CDC42SE2: variants seen among roughly 807,000 people sequenced by gnomAD.
CDC42SE2 encodes CDC42 small effector 2.
A neutral mutation model predicts 11.5 loss-of-function variants in CDC42SE2; 3 were observed. The observed-to-expected ratio is 0.26, with a 90% confidence interval of 0.12 to 0.67. The LOEUF (loss-of-function observed/expected upper bound fraction) is 0.67. Ranked by LOEUF, CDC42SE2 falls within the 30% of genes least tolerant of loss-of-function variation. The pLI is 0.80. For synonymous variants in CDC42SE2, 33 were observed against 34.8 expected (o/e 0.95, Z 0.18); for missense variants, 82 against 106.8 (o/e 0.77, Z 1.02).
At chr5:131,345,346 A>G (rs1437209010) in intron 2 of CDC42SE2, among the ~76,000 whole-genome samples, 2 of 152,152 alleles carry the variant, frequency 1.3e-5, no homozygotes, top group African/African-American at 2.4e-5. Context: ...CACAAGAACT[A>G]CGTGACTCAT....
At chr5:131,346,085 C>G (rs1758836983) in intron 2 of CDC42SE2, among the ~76,000 whole-genome samples, 1 of 152,190 alleles carries the variant, frequency 6.6e-6, no homozygotes, top group African/African-American at 2.4e-5. Flanking sequence ...TAGGAAGAAA[C>G]TGCATCAACT....
chr5:131,223,398 A>G, the CDC42SE2 span, among the ~76,000 whole-genome samples: 3 of 152,180 alleles, frequency 2.0e-5, no homozygotes, highest in African/African-American at 7.2e-5. Flanking sequence ...ACAGCTGCCA[A>G]GTTTGAAGCT....
At chr5:131,366,582 T>C (rs1322040467) in intron 3 of CDC42SE2, among the ~76,000 whole-genome samples, 2 of 152,212 alleles carry the variant, frequency 1.3e-5, no homozygotes, top group African/African-American at 2.4e-5. Flanking sequence ...TTTTTTTTAC[T>C]ACATACCTCA....
intron 2 of CDC42SE2, among the ~76,000 whole-genome samples, chr5:131,329,278 C>G (rs1758361253): frequency 6.6e-6 from 1 of 152,146 alleles, no homozygotes; most frequent in African/African-American, 2.4e-5. Flanking sequence ...CTCCAGGTTA[C>G]CAGTTTCCTT....
upstream of CDC42SE2, among the ~76,000 whole-genome samples, chr5:131,262,234 C>A (rs929027036): frequency 1.2e-4 from 18 of 151,020 alleles, no homozygotes; most frequent in Admixed American, 1.3e-4. Context: ...TCTACTCTAT[C>A]ATGTTATTCT....
the CDC42SE2 span, among the ~76,000 whole-genome samples, chr5:131,238,582 C>T: frequency 6.7e-6 from 1 of 149,020 alleles, no homozygotes; most frequent in Non-Finnish European, 1.5e-5. Context: ...CAAACCTGCA[C>T]AATCTGCACA....
intron 1 of CDC42SE2, among the ~76,000 whole-genome samples, chr5:131,290,601 T>C (rs1401276520): frequency 1.3e-5 from 2 of 150,262 alleles, no homozygotes; most frequent in Non-Finnish European, 3.0e-5. Flanking sequence ...CATCTCAGAC[T>C]CCTGAGTAGC....
intron 1 of CDC42SE2, among the ~76,000 whole-genome samples, chr5:131,302,823 C>CT (rs201295430): frequency 4.0e-3 from 556 of 140,128 alleles, no homozygotes; most frequent in Middle Eastern, 0.011. Context: ...CCTCATGACT[C>CT]TTTTTTTTTT....
At chr5:131,214,973 A>T in the CDC42SE2 span, among the ~76,000 whole-genome samples, 1 of 152,264 alleles carries the variant, frequency 6.6e-6, no homozygotes. Flanking sequence ...TTGCTGAAGC[A>T]GGAGAAGCAA....
At chr5:131,334,662 A>C (rs1478232618) in intron 2 of CDC42SE2, among the ~76,000 whole-genome samples, 1 of 152,156 alleles carries the variant, frequency 6.6e-6, no homozygotes, top group African/African-American at 2.4e-5. Context: ...TGTTCTATTC[A>C]GAGATTCAAC....
At chr5:131,220,839 G>A in the CDC42SE2 span, among the ~76,000 whole-genome samples, 3 of 150,638 alleles carry the variant, frequency 2.0e-5, no homozygotes, top group Non-Finnish European at 1.5e-5. Flanking sequence ...ACTCTTCTGT[G>A]TGTCTGCCAA....
chr5:131,310,038 T>A (rs1311511088), intron 1 of CDC42SE2, among the ~76,000 whole-genome samples: 1 of 152,242 alleles, frequency 6.6e-6, no homozygotes, highest in Non-Finnish European at 1.5e-5. Flanking sequence ...ATTGTGATGT[T>A]AGGGTGTCAA....
chr5:131,340,052 A>T (rs889298441), intron 2 of CDC42SE2, among the ~76,000 whole-genome samples: 1 of 152,210 alleles, frequency 6.6e-6, no homozygotes, highest in African/African-American at 2.4e-5. Context: ...TCTACTTTTC[A>T]TCAGCAACAA....
chr5:131,313,276 C>CT (rs2149726848), intron 1 of CDC42SE2, among the ~76,000 whole-genome samples: 1 of 152,300 alleles, frequency 6.6e-6, no homozygotes, highest in Admixed American at 6.5e-5. Context: ...GCCACCGCGC[C>CT]TGGCCCCTCT....
intron 1 of CDC42SE2, among the ~76,000 whole-genome samples, chr5:131,286,108 G>A (rs1050511990): frequency 2.7e-5 from 4 of 148,472 alleles, no homozygotes; most frequent in African/African-American, 1.0e-4. Flanking sequence ...ATGCTGGAGT[G>A]CAGTGACATG....
At chr5:131,346,477 A>G (rs900654881) in intron 2 of CDC42SE2, among the ~76,000 whole-genome samples, 19 of 152,228 alleles carry the variant, frequency 1.2e-4, no homozygotes, top group Admixed American at 1.2e-3. Context: ...TGTGCATCTA[A>G]TACAGGAGTA....
At chr5:131,307,228 G>A (rs1358709659) in intron 1 of CDC42SE2, among the ~76,000 whole-genome samples, 2 of 86,880 alleles carry the variant, frequency 2.3e-5, no homozygotes, top group Non-Finnish European at 4.3e-5. Context: ...CCCCCCACCC[G>A]ACAACAGTCC....
At chr5:131,324,850 A>G (rs1162254766) in intron 2 of CDC42SE2, among the ~76,000 whole-genome samples, 1 of 152,242 alleles carries the variant, frequency 6.6e-6, no homozygotes, top group East Asian at 1.9e-4. Flanking sequence ...GGTGAAGTCC[A>G]GACGTTTTCA....
At chr5:131,316,502 C>T (rs991686746) in intron 2 of CDC42SE2, among the ~76,000 whole-genome samples, 4 of 152,164 alleles carry the variant, frequency 2.6e-5, no homozygotes, top group Admixed American at 1.3e-4. Context: ...AGGTCTCATT[C>T]TCTTTGGGAG....
Sources: gnomAD v4.1 joint callset for allele counts (sites outside exome capture counted in the v4.1 genomes callset) on GRCh38, gnomAD v4.1.1 for gene constraint, MANE v1.5 for transcripts, NCBI Gene and HGNC (gene_info 2026-07-23, HGNC 2026-07-21) for gene names.